The following PTCHD4 variants were observed in gnomAD, a reference collection of about 807,000 sequenced individuals.
PTCHD4 encodes patched domain-containing protein 4.
In PTCHD4, 33 loss-of-function variants were observed where a neutral mutation model predicts 58.1. The ratio of observed to expected loss-of-function variants is 0.57; its 90% CI spans 0.43 to 0.76. The LOEUF is 0.76. Among genes scored for constraint, PTCHD4 ranks in the 30% least tolerant of loss-of-function variants. The probability of loss-of-function intolerance (pLI) is 0.00; values close to 1 mark genes in which losing one functional copy is unlikely to be tolerated. For synonymous variants in PTCHD4, 478 were observed against 409.6 expected (o/e 1.17, Z -2.02); for missense variants, 1,058 against 1,027.1 (o/e 1.03, Z -0.41).
chr6:47,952,720 T>TA (rs1362108157), intron 4 of PTCHD4, among the ~76,000 whole-genome samples: 1 of 152,110 alleles, frequency 6.6e-6, no homozygotes, highest in Non-Finnish European at 1.5e-5. Flanking sequence ...ATTTGTAGTT[T>TA]AGGAGCAATA....
intron 1 of PTCHD4, among the ~76,000 whole-genome samples, chr6:48,095,924 AACATTTATGCC>A (rs966663955): frequency 9.2e-5 from 14 of 152,100 alleles, no homozygotes; most frequent in African/African-American, 2.7e-4. Context: ...TGAGAATTAA[AACATTTATGCC>A]ACACCTCACA....
chr6:47,994,283 A>C (rs924293221), intron 4 of PTCHD4, among the ~76,000 whole-genome samples: 3 of 152,228 alleles, frequency 2.0e-5, no homozygotes, highest in Non-Finnish European at 4.4e-5. Flanking sequence ...CATGAACCCC[A>C]TGCAAGGCAC....
intron 1 of PTCHD4, among the ~76,000 whole-genome samples, chr6:48,084,425 T>G (rs1316197452): frequency 6.6e-6 from 1 of 152,180 alleles, no homozygotes; most frequent in Non-Finnish European, 1.5e-5. Flanking sequence ...CTGCTGTAAC[T>G]GTATTTTTAG....
At chr6:48,066,380 C>G (rs1030761476) in intron 3 of PTCHD4, among the ~76,000 whole-genome samples, 1 of 152,132 alleles carries the variant, frequency 6.6e-6, no homozygotes, top group African/African-American at 2.4e-5. Context: ...ACTGTAAATA[C>G]AAGCACTAGA....
At chr6:47,994,628 G>A (rs1027608665) in intron 4 of PTCHD4, among the ~76,000 whole-genome samples, 1 of 152,322 alleles carries the variant, frequency 6.6e-6, no homozygotes, top group Middle Eastern at 3.4e-3. Context: ...TCTGGAAAAA[G>A]CAACATCACA....
chr6:48,079,970 A>ATT (rs141629864), intron 1 of PTCHD4, among the ~76,000 whole-genome samples: 986 of 75,944 alleles, frequency 0.013, 188 homozygotes, highest in Admixed American at 0.042. Context: ...CCTTATGATG[A>ATT]TTTTTTTTTT....
At chr6:48,086,748 A>G (rs745921393) in intron 1 of PTCHD4, among the ~76,000 whole-genome samples, 5 of 152,200 alleles carry the variant, frequency 3.3e-5, no homozygotes, top group Non-Finnish European at 1.5e-5. Flanking sequence ...TTATAAAGTT[A>G]TAAAGTGAGT....
At chr6:47,905,147 G>C (rs1191967595) in intron 4 of PTCHD4, among the ~76,000 whole-genome samples, 1 of 151,388 alleles carries the variant, frequency 6.6e-6, no homozygotes, top group African/African-American at 2.4e-5. Context: ...GGCTGGAGAT[G>C]ATGAGTTGTT....
At chr6:48,050,615 A>G (rs1490532551) in intron 3 of PTCHD4, among the ~76,000 whole-genome samples, 1 of 152,024 alleles carries the variant, frequency 6.6e-6, no homozygotes, top group Admixed American at 6.6e-5. Context: ...CAACCAAATA[A>G]ATTCATGCAC....
intron 4 of PTCHD4, among the ~76,000 whole-genome samples, chr6:47,883,170 G>A (rs1024773386): frequency 2.6e-5 from 4 of 151,814 alleles, no homozygotes; most frequent in South Asian, 2.1e-4. Context: ...TTTGCTAGCC[G>A]ATATATAAGA....
At chr6:47,891,851 AAC>A (rs1237450903) in intron 4 of PTCHD4, among the ~76,000 whole-genome samples, 1 of 152,198 alleles carries the variant, frequency 6.6e-6, no homozygotes, top group Non-Finnish European at 1.5e-5. Flanking sequence ...GGTATTTTAT[AAC>A]AAATATTTTT....
At chr6:48,102,787 C>G (rs112360842) in intron 1 of PTCHD4, among the ~76,000 whole-genome samples, 2 of 152,222 alleles carry the variant, frequency 1.3e-5, no homozygotes, top group Admixed American at 6.5e-5. Context: ...GCTTAACAAA[C>G]GACACACCAG....
chr6:47,859,938 G>T lies in PTCHD4; in HGVS notation c.*18365C>A, dbSNP rs1378141629. 6.6e-6 allele frequency among the ~76,000 whole-genome samples: 1 copy of T among 151,818 alleles called. No individual in the cohort carries two copies. Among genetic ancestry groups the T allele is most frequent in the African/African-American group, 2.4e-5 (1 of 41,418 alleles). ...GAGAACAAAGGGGGCAGTGGCTGGA[G>T]AAGTGGTCAGAGCAGGAGACAGGGG... On this transcript the variant is annotated 3_prime_UTR_variant, in exon 5 of 5. Coordinates refer to ENST00000339488, the MANE Select transcript of PTCHD4 (RefSeq NM_001384253.1).
At chr6:47,924,666 G>A (rs1266402951) in intron 4 of PTCHD4, among the ~76,000 whole-genome samples, 2 of 152,106 alleles carry the variant, frequency 1.3e-5, no homozygotes, top group Non-Finnish European at 2.9e-5. Flanking sequence ...TCAAAAGAAC[G>A]GGTTCAAGAA....
intron 1 of PTCHD4, among the ~76,000 whole-genome samples, chr6:48,084,759 A>G (rs1301263578): frequency 1.4e-5 from 2 of 140,244 alleles, no homozygotes; most frequent in Non-Finnish European, 1.5e-5. Flanking sequence ...TTTGAGACAG[A>G]GTCTCGCTTG....
At chr6:48,087,702 C>T (rs1350805448) in intron 1 of PTCHD4, among the ~76,000 whole-genome samples, 2 of 152,114 alleles carry the variant, frequency 1.3e-5, no homozygotes, top group Non-Finnish European at 2.9e-5. Flanking sequence ...TTCTTCAAAG[C>T]CTGCATATTT....
In PTCHD4 at chr6:47,859,370, A is replaced by G. The variant is rs1264905989; in HGVS notation, c.*18933T>C. Among the ~76,000 whole-genome samples, 1 of 152,068 alleles carries G rather than the reference A, an allele frequency of 6.6e-6. No homozygotes were observed. The highest frequency in any genetic ancestry group is 2.4e-5 in the African/African-American group (1 of 41,440). ...TACTGATAAATATTTAAGGGAGTGC[A>G]GGGGTAGATGTTAATATTACCTAGC... On this transcript the variant is annotated 3_prime_UTR_variant, in exon 5 of 5. Coordinates refer to ENST00000339488, the MANE Select transcript of PTCHD4 (RefSeq NM_001384253.1).
At chr6:47,904,865 T>C (rs1054245419) in intron 4 of PTCHD4, among the ~76,000 whole-genome samples, 3 of 152,028 alleles carry the variant, frequency 2.0e-5, no homozygotes, top group Admixed American at 2.0e-4. Context: ...AGGCTTAGAG[T>C]TCAATGGTGA....
At chr6:47,988,660 A>T (rs1171211530) in intron 4 of PTCHD4, among the ~76,000 whole-genome samples, 1 of 152,174 alleles carries the variant, frequency 6.6e-6, no homozygotes, top group African/African-American at 2.4e-5. Context: ...ATGGTCTATC[A>T]GGGGGTTCTG....
Sources: allele counts gnomAD v4.1 joint callset (sites outside exome capture counted in the v4.1 genomes callset), GRCh38; gene constraint gnomAD v4.1.1; transcripts MANE v1.5; gene names NCBI Gene and HGNC (gene_info 2026-07-23, HGNC 2026-07-21).